C3orf20: variants seen among roughly 807,000 people sequenced by gnomAD.
The protein encoded by C3orf20 is uncharacterized protein C3orf20.
Under a neutral mutation model 88.3 loss-of-function variants are expected in C3orf20, and 76 were observed. The ratio of observed to expected loss-of-function variants is 0.86; its 90% CI spans 0.72 to 1.04. The LOEUF is 1.04. Ranked by LOEUF, C3orf20 falls within the 50% of genes least tolerant of loss-of-function variation. The pLI is 0.00. For missense variants in C3orf20, 1,056 were observed against 1,123.3 expected, an observed-to-expected ratio of 0.94 and a Z score of 0.86; for synonymous variants, 436 against 437.4, an observed-to-expected ratio of 1.00 and a Z score of 0.04.
intron 12 of C3orf20, among the ~76,000 whole-genome samples, chr3:14,753,426 A>T (rs576201467): frequency 6.6e-6 from 1 of 152,238 alleles, no homozygotes; most frequent in Non-Finnish European, 1.5e-5. Flanking sequence ...AACATGGCAC[A>T]TGTATACCTA....
rs147778531 is a variant in C3orf20, at chr3:14,721,782, C to T, written c.1564C>T (p.Arg522Trp). The T allele has an allele frequency of 7.0e-4, 1,137 of 1,614,076 alleles. No individual in the cohort carries two copies. The highest frequency in any genetic ancestry group is 8.9e-4 in the Non-Finnish European group (1,055 of 1,179,960). ...TCCCCATGGAATGGCATATGACAAACGGGTAAGGCAAGGCAGACTATGCAC... is the reference window on the plus strand; with the variant it reads ...TCCCCATGGAATGGCATATGACAAATGGGTAAGGCAAGGCAGACTATGCAC... Reference protein sequence around the residue: ...NCPHGMAYDKRLNRRISNMDD... With the variant: ...NCPHGMAYDKWLNRRISNMDD... Residue 522 changes from arginine (R) to tryptophan (W), a missense_variant and splice_region_variant, in exon 10 of 17, where the codon CGG becomes TGG. By Grantham distance (101) the Arg-to-Trp change is moderately radical. Coordinates refer to ENST00000253697, the MANE Select transcript of C3orf20 (RefSeq NM_032137.5).
At chr3:14,709,510 A>G (rs1234610058) in intron 7 of C3orf20, among the ~76,000 whole-genome samples, 1 of 152,208 alleles carries the variant, frequency 6.6e-6, no homozygotes, top group Non-Finnish European at 1.5e-5. Flanking sequence ...GTTTTTTCAT[A>G]TATGGCTCTT....
At chr3:14,707,368 C>T (rs116466954) in intron 7 of C3orf20, among the ~76,000 whole-genome samples, 1 of 151,198 alleles carries the variant, frequency 6.6e-6, no homozygotes, top group Non-Finnish European at 1.5e-5. Flanking sequence ...TTCATTCATT[C>T]TAGTGGGTGT....
rs1447024722 is a variant in C3orf20, at chr3:14,718,764, C to A, written c.1435-2889C>A. On this transcript the variant is annotated intron_variant, in intron 9 of 16. Coordinates refer to ENST00000253697, the MANE Select transcript of C3orf20 (RefSeq NM_032137.5). ...TTGTTTCACCTGCAGAAGCTCACGTCTCAGTTCAGTTTTTATGTTTGTTTG... is the reference window on the plus strand; with the variant it reads ...TTGTTTCACCTGCAGAAGCTCACGTATCAGTTCAGTTTTTATGTTTGTTTG... 2.6e-5 allele frequency among the ~76,000 whole-genome samples: 4 copies of A among 152,318 alleles called. No homozygotes were observed. In the East Asian group the frequency reaches 7.7e-4, roughly 29 times the overall value.
chr3:14,736,962 T>G (rs1245496460), intron 12 of C3orf20, among the ~76,000 whole-genome samples: 1 of 152,232 alleles, frequency 6.6e-6, no homozygotes, highest in East Asian at 1.9e-4. Context: ...GTTTTCTGGC[T>G]TCTACCATTT....
chr3:14,701,124 A>C lies in C3orf20; in HGVS notation c.746-2006A>C, dbSNP rs2033244505. Among the ~76,000 whole-genome samples, 2 of 152,204 alleles carry C rather than the reference A, an allele frequency of 1.3e-5. No homozygotes were observed. The highest frequency in any genetic ancestry group is 4.1e-4 in the South Asian group (2 of 4,826). ...CAGATGCTCCAGGTGGCCTGCTAGC[A>C]GGTCGCTGGACCTCAGGCCCTAGGC... On this transcript the variant is annotated intron_variant, in intron 5 of 16. Transcript: ENST00000253697. The surrounding 1 kb of genome is among the most constrained non-coding windows in gnomAD (Gnocchi z 4.6).
intron 1 of C3orf20, among the ~76,000 whole-genome samples, chr3:14,679,757 T>C (rs2031984142): frequency 6.6e-6 from 1 of 152,192 alleles, no homozygotes; most frequent in Non-Finnish European, 1.5e-5. Flanking sequence ...TGTAGTCACA[T>C]GTTCACCTCT....
At chr3:14,698,891 G>A (rs371599702) in intron 5 of C3orf20, among the ~76,000 whole-genome samples, 2 of 152,146 alleles carry the variant, frequency 1.3e-5, no homozygotes, top group South Asian at 2.1e-4. Flanking sequence ...AGGCAGGTCC[G>A]GAAATGTTGT....
intron 15 of C3orf20, among the ~76,000 whole-genome samples, chr3:14,767,830 A>G (rs1259019638): frequency 6.6e-6 from 1 of 152,260 alleles, no homozygotes; most frequent in Non-Finnish European, 1.5e-5. Context: ...AGCACTCCGT[A>G]AGCTACTGTG....
At chr3:14,765,913 A>G (rs2035688407) in intron 15 of C3orf20, among the ~76,000 whole-genome samples, 1 of 152,250 alleles carries the variant, frequency 6.6e-6, no homozygotes, top group African/African-American at 2.4e-5. Flanking sequence ...CGGGGGCCTC[A>G]TGAGCTCCAG....
intron 9 of C3orf20, among the ~76,000 whole-genome samples, chr3:14,720,536 T>TG (rs2034116363): frequency 2.0e-4 from 1 of 5,082 alleles, no homozygotes; most frequent in Non-Finnish European, 5.2e-4. Flanking sequence ...AGAGAGTGGT[T>TG]GTTGTTGTTG....
intron 12 of C3orf20, among the ~76,000 whole-genome samples, chr3:14,735,274 C>G (rs1232473564): frequency 6.6e-6 from 1 of 151,652 alleles, no homozygotes; most frequent in Non-Finnish European, 1.5e-5. Flanking sequence ...TGCTGTTTGA[C>G]TCACTTGCAC....
At chr3:14,687,013 A>C (rs1215176659) in intron 4 of C3orf20, among the ~76,000 whole-genome samples, 2 of 152,234 alleles carry the variant, frequency 1.3e-5, no homozygotes, top group Non-Finnish European at 2.9e-5. Context: ...GGAGAGCTGC[A>C]GAATGCCCCT....
intron 9 of C3orf20, among the ~76,000 whole-genome samples, chr3:14,717,040 T>C (rs1206880511): frequency 6.6e-6 from 1 of 152,118 alleles, no homozygotes; most frequent in East Asian, 1.9e-4. Context: ...ATAAGTTGTG[T>C]GTTAGTGTGT....
chr3:14,772,649 G>T lies in C3orf20; in HGVS notation c.2631-142G>T. 1 of 642,500 alleles carries T rather than the reference G, an allele frequency of 1.6e-6. No individual in the cohort carries two copies. Among genetic ancestry groups the T allele is most frequent in the East Asian group, 2.8e-5 (1 of 36,042 alleles). 39.8% of individuals were successfully genotyped at this position (642,500 alleles called of 1,614,324 possible). On this transcript the variant is annotated intron_variant, in intron 16 of 16. Transcript: ENST00000253697. This position sits in a 1 kb window ranked among gnomAD's most constrained non-coding sequence, Gnocchi z 4.2. ...TGTAGAAAGGTCGCAGGTGCCACCG[G>T]GGCCCTCTGGTTGGAACAGCACCCA...
chr3:14,718,813 G>C (rs901518805), intron 9 of C3orf20, among the ~76,000 whole-genome samples: 25 of 152,214 alleles, frequency 1.6e-4, no homozygotes, highest in African/African-American at 6.0e-4. Context: ...AAGATGTCTT[G>C]AGTCTTCCCT....
intron 5 of C3orf20, among the ~76,000 whole-genome samples, chr3:14,690,355 G>A (rs989240422): frequency 2.6e-5 from 4 of 152,190 alleles, no homozygotes; most frequent in Non-Finnish European, 4.4e-5. Flanking sequence ...GCTTGCTCAT[G>A]CCCTACATTC....
At chr3:14,714,630 C>T (rs1276435796) in intron 8 of C3orf20, among the ~76,000 whole-genome samples, 1 of 152,046 alleles carries the variant, frequency 6.6e-6, no homozygotes, top group African/African-American at 2.4e-5. Context: ...CTGGGTCTTG[C>T]TCTCACTCTG....
chr3:14,761,437 G>C, intron 14 of C3orf20, 36 bp from the exon 15 acceptor site: 1 of 1,612,052 alleles, frequency 6.2e-7, no homozygotes, highest in Non-Finnish European at 8.5e-7. Context: ...GTGCTGATGT[G>C]CTGAGGATCT....
Sources: gnomAD v4.1 joint callset for allele counts (sites outside exome capture counted in the v4.1 genomes callset) on GRCh38, gnomAD v4.1.1 for gene constraint, Gnocchi (gnomAD v3.1) non-coding constraint, MANE v1.5 for transcripts, NCBI Gene and HGNC (gene_info 2026-07-23, HGNC 2026-07-21) for gene names.